CCSER1: variants seen among roughly 807,000 people sequenced by gnomAD.
CCSER1 encodes serine-rich coiled-coil domain-containing protein 1.
A neutral mutation model predicts 82.0 loss-of-function variants in CCSER1; 41 were observed. The observed-to-expected ratio is 0.50, with a 90% CI of 0.39 to 0.65. The LOEUF (loss-of-function observed/expected upper bound fraction) is 0.65. Among genes scored for constraint, CCSER1 ranks in the 30% least tolerant of loss-of-function variants. The probability of loss-of-function intolerance (pLI) is 0.00; values close to 1 mark genes in which losing one functional copy is unlikely to be tolerated. For synonymous variants in CCSER1, 414 were observed against 383.9 expected, an observed-to-expected ratio of 1.08 and a Z score of -0.92; for missense variants, 1,119 against 1,064.2, an observed-to-expected ratio of 1.05 and a Z score of -0.72.
intron 1 of CCSER1, among the ~76,000 whole-genome samples, chr4:90,288,842 T>C: frequency 6.6e-6 from 1 of 151,982 alleles, no homozygotes; most frequent in East Asian, 1.9e-4. Flanking sequence ...AGCAAATTTA[T>C]GAATTCAGAT....
At chr4:90,707,908 G>T (rs1341478986) in intron 6 of CCSER1, among the ~76,000 whole-genome samples, 3 of 152,126 alleles carry the variant, frequency 2.0e-5, no homozygotes, top group African/African-American at 7.2e-5. Context: ...GCAGAACACA[G>T]CTTTCGGTTT....
At chr4:90,791,948 AAC>A (rs770542793) in intron 7 of CCSER1, among the ~76,000 whole-genome samples, 125 of 152,354 alleles carry the variant, frequency 8.2e-4, no homozygotes, top group Non-Finnish European at 1.1e-3. Flanking sequence ...ATCAAAATAA[AAC>A]AGTTTATTGT....
At chr4:90,501,049 T>C (rs1273012226) in intron 5 of CCSER1, among the ~76,000 whole-genome samples, 1 of 152,086 alleles carries the variant, frequency 6.6e-6, no homozygotes, top group Non-Finnish European at 1.5e-5. Context: ...GTGTTTTCAC[T>C]CTTGTCATTT....
intron 5 of CCSER1, among the ~76,000 whole-genome samples, chr4:90,479,374 C>G (rs950791251): frequency 4.7e-4 from 71 of 152,028 alleles, no homozygotes; most frequent in African/African-American, 1.5e-3. Context: ...ATTTTACTAG[C>G]TATTTCTTTT....
intron 9 of CCSER1, among the ~76,000 whole-genome samples, chr4:91,037,012 G>A (rs1391635099): frequency 2.6e-5 from 4 of 152,106 alleles, no homozygotes; most frequent in Non-Finnish European, 5.9e-5. Context: ...GGGAAGGGGA[G>A]TTTGCAGTGA....
intron 10 of CCSER1, among the ~76,000 whole-genome samples, chr4:91,540,502 G>A (rs1411226720): frequency 6.6e-6 from 1 of 152,020 alleles, no homozygotes; most frequent in Non-Finnish European, 1.5e-5. Flanking sequence ...CGAATGTGAG[G>A]CTTCTCTTTT....
chr4:90,309,204 C>T lies in CCSER1; in HGVS notation c.920C>T (p.Thr307Ile). ...AATTCTGCTGCTGTTACAAAGACAA[C>T]AACAGAACTTACGGGAACTGTTCCC... ...SLNSAAVTKT[T>I]TELTGTVPCA... Residue 307 changes from threonine to isoleucine, a missense_variant, in exon 2 of 11, where the codon ACA becomes ATA. Thr to Ile is a moderately conservative substitution (Grantham distance 89). Transcript: ENST00000509176. The T allele has an allele frequency of 6.2e-7, 1 of 1,613,926 alleles. No homozygotes were observed. Among genetic ancestry groups the T allele is most frequent in the Non-Finnish European group, 8.5e-7 (1 of 1,179,838 alleles).
chr4:90,369,803 C>T (rs1747059823), intron 3 of CCSER1, among the ~76,000 whole-genome samples: 1 of 151,954 alleles, frequency 6.6e-6, no homozygotes, highest in African/African-American at 2.4e-5. Flanking sequence ...TATTTTGCTG[C>T]TGTTTCTTTG....
At chr4:91,251,296 G>A (rs985033084) in intron 10 of CCSER1, among the ~76,000 whole-genome samples, 25 of 152,128 alleles carry the variant, frequency 1.6e-4, no homozygotes, top group African/African-American at 5.8e-4. Flanking sequence ...ACATGGTGGA[G>A]AGAAAGATCA....
intron 5 of CCSER1, among the ~76,000 whole-genome samples, chr4:90,533,202 C>CT (rs1279952922): frequency 1.3e-5 from 2 of 150,808 alleles, no homozygotes; most frequent in African/African-American, 2.4e-5. Flanking sequence ...CGCCATTCTC[C>CT]TGCCTCACCC....
At chr4:90,782,271 A>G (rs1753877773) in intron 7 of CCSER1, among the ~76,000 whole-genome samples, 1 of 152,196 alleles carries the variant, frequency 6.6e-6, no homozygotes, top group African/African-American at 2.4e-5. Context: ...ATAAAAATCA[A>G]TTTTAACTTC....
In CCSER1 at chr4:90,764,192, G is replaced by A. The variant is rs181257812; in HGVS notation, c.2010+40201G>A. ...CCAAGTCTTCCCTTCGAGGTAGATT[G>A]TAAAAATCAATGAGAGCAAGCTTGC... is the stretch of plus-strand genomic sequence containing the variant. On this transcript the variant is annotated intron_variant, in intron 7 of 10. Coordinates refer to ENST00000509176, the MANE Select transcript of CCSER1 (RefSeq NM_001145065.2). Among the ~76,000 whole-genome samples the A allele has an allele frequency of 2.8e-4, 43 of 152,208 alleles. No homozygotes were observed. In the East Asian group the frequency reaches 8.1e-3, roughly 29 times the overall value.
intron 9 of CCSER1, among the ~76,000 whole-genome samples, chr4:91,001,733 A>T (rs138749006): frequency 6.6e-6 from 1 of 152,280 alleles, no homozygotes; most frequent in Non-Finnish European, 1.5e-5. Flanking sequence ...TTTTAAGTGG[A>T]GCATTTAGAC....
chr4:91,140,773 G>T (rs1309888695), intron 10 of CCSER1, among the ~76,000 whole-genome samples: 1 of 152,124 alleles, frequency 6.6e-6, no homozygotes, highest in East Asian at 1.9e-4. Context: ...GAAGACATCT[G>T]ATTCAGTTTT....
At chr4:90,432,362 C>A (rs566633352) in intron 4 of CCSER1, among the ~76,000 whole-genome samples, 9 of 152,232 alleles carry the variant, frequency 5.9e-5, no homozygotes, top group Admixed American at 5.2e-4. Flanking sequence ...ATGAATCAGG[C>A]TCTTATGTCA....
intron 5 of CCSER1, among the ~76,000 whole-genome samples, chr4:90,580,910 C>T (rs959455135): frequency 1.3e-5 from 2 of 152,028 alleles, no homozygotes; most frequent in African/African-American, 4.8e-5. Flanking sequence ...TAACAGAATC[C>T]ATGGGGAAAT....
At chr4:90,812,132 G>A (rs1034887176) in intron 7 of CCSER1, among the ~76,000 whole-genome samples, 7 of 152,020 alleles carry the variant, frequency 4.6e-5, no homozygotes, top group Admixed American at 2.0e-4. Context: ...TTCAAGGGCA[G>A]GAAGCATCCA....
chr4:90,155,338 G>C (rs1281722059), intron 1 of CCSER1, among the ~76,000 whole-genome samples: 2 of 151,874 alleles, frequency 1.3e-5, no homozygotes, highest in South Asian at 2.1e-4. Context: ...GTCTAAAATT[G>C]TCTTTTTTGG....
In CCSER1 at chr4:91,072,099, A is replaced by G. The variant is rs968212276; in HGVS notation, c.2173-13851A>G. ...GATAAACTCTACTGTATGAAACCTC[A>G]TAAAATATGATGACCCAAGTCCCTG... On this transcript the variant is annotated intron_variant, in intron 9 of 10. Transcript: ENST00000509176. Among the ~76,000 whole-genome samples the G allele has an allele frequency of 2.6e-5, 4 of 152,292 alleles. No homozygotes were observed. In the East Asian group the frequency reaches 5.8e-4, roughly 22 times the overall value.
Sources: gnomAD v4.1 joint callset for allele counts (sites outside exome capture counted in the v4.1 genomes callset) on GRCh38, gnomAD v4.1.1 for gene constraint, MANE v1.5 for transcripts, NCBI Gene and HGNC (gene_info 2026-07-23, HGNC 2026-07-21) for gene names.